The following ZSWIM4 variants were observed in gnomAD, a reference collection of about 807,000 sequenced individuals.
ZSWIM4 encodes the protein zinc finger SWIM domain-containing protein 4.
Under a neutral mutation model 102.5 loss-of-function variants are expected in ZSWIM4, and 62 were observed. That is an observed-to-expected ratio of 0.60 (90% confidence interval 0.49 to 0.75). The LOEUF (loss-of-function observed/expected upper bound fraction) is 0.75. Ranked by LOEUF, ZSWIM4 falls within the 30% of genes least tolerant of loss-of-function variation. The pLI is 0.00. For missense variants in ZSWIM4, 1,280 were observed against 1,529.6 expected (o/e 0.84, Z 2.72); for synonymous variants, 652 against 674.5 (o/e 0.97, Z 0.52).
In ZSWIM4 at chr19:13,830,675, C is replaced by G. The variant is rs770387382; in HGVS notation, c.2946C>G (p.Ile982Met). 2 of 1,604,492 alleles carry G rather than the reference C, an allele frequency of 1.2e-6. No homozygotes were observed. Among genetic ancestry groups the G allele is most frequent in the Non-Finnish European group, 1.7e-6 (2 of 1,179,438 alleles). Residue 982 changes from isoleucine (I) to methionine (M), a missense_variant, in exon 14 of 14, where the codon ATC becomes ATG. By Grantham distance (10) the Ile-to-Met change is conservative. Coordinates refer to ENST00000590508, the MANE Select transcript of ZSWIM4 (RefSeq NM_001367834.3). ...TGGGCCGGCACGAGCTCTCTGCCAT[C>G]GTCCCCCTCATCATTCGCAGCATCC... ...HSLGRHELSA[I>M]VPLIIRSIHC...
intron 12 of ZSWIM4, among the ~76,000 whole-genome samples, chr19:13,827,825 G>A (rs1027662082): frequency 5.9e-5 from 9 of 152,096 alleles, no homozygotes; most frequent in South Asian, 4.1e-4. Context: ...AGGCAAACAC[G>A]TGAGCTGCTG....
chr19:13,830,093 G>A, intron 13 of ZSWIM4, 98 bp from the exon 14 acceptor site: 1 of 1,438,996 alleles, frequency 6.9e-7, no homozygotes, highest in Non-Finnish European at 9.4e-7. Context: ...TGGTGTGGAG[G>A]TGGAAGTGGA....
At position 13,805,158 on chromosome 19, in the gene ZSWIM4, C is replaced by T. The variant is rs752262497; in HGVS notation, c.712+10C>T. The T allele has an allele frequency of 6.9e-6, 11 of 1,589,256 alleles. No individual in the cohort carries two copies. The highest frequency in any genetic ancestry group is 9.4e-6 in the Non-Finnish European group (11 of 1,171,972). On this transcript the variant is annotated intron_variant, in intron 3 of 13. Coordinates refer to ENST00000590508, the MANE Select transcript of ZSWIM4 (RefSeq NM_001367834.3). ...ATCAACTTGGTGAATGGTAAGGGCA[C>T]CCCGGGGGTCCGGTGGGGAGAGGAT...
At position 13,817,828 on chromosome 19, in the gene ZSWIM4, G is replaced by A. The variant is rs1375113649; in HGVS notation, c.1776G>A (p.Leu592=). ...VLALEVALLG[L]GQQRALPEGL... is the part of the protein sequence containing the mutation. ...CGCTGGAGGTGGCACTGCTGGGGCT[G>A]GGGCAGCAGCGGGCCCTGCCGGAGG... The change falls in exon 9 of 14, where the codon CTG becomes CTA. Residue 592 remains leucine (L), a synonymous_variant. Coordinates refer to ENST00000590508, the MANE Select transcript of ZSWIM4 (RefSeq NM_001367834.3). 1 of 1,574,130 alleles carries A rather than the reference G, an allele frequency of 6.4e-7. No homozygotes were observed. Among genetic ancestry groups the A allele is most frequent in the Non-Finnish European group, 8.6e-7 (1 of 1,160,482 alleles).
chr19:13,815,774 GA>G (rs1418831515), intron 7 of ZSWIM4, among the ~76,000 whole-genome samples: 1 of 151,574 alleles, frequency 6.6e-6, no homozygotes, highest in Non-Finnish European at 1.5e-5. Context: ...CTGGCCTACT[GA>G]AAATATTTTT....
At position 13,825,668 on chromosome 19, in the gene ZSWIM4, A is replaced by C. The variant is rs757317271; in HGVS notation, c.2334A>C (p.Pro778=). The part of the protein sequence containing the change: ...ACKTATPVSA[P]PDTTLLGIAL... ...AGACAGCCACCCCGGTCAGCGCCCC[A>C]CCAGACACCACGCTGCTGGGCATCG... Residue 778 remains proline, a synonymous_variant, in exon 12 of 14, where the codon CCA becomes CCC. Transcript: ENST00000590508. The surrounding 1 kb of genome is among the most constrained non-coding windows in gnomAD (Gnocchi z 4.6). The C allele has an allele frequency of 1.2e-6, 2 of 1,612,880 alleles. No homozygotes were observed. The highest frequency in any genetic ancestry group is 2.7e-5 in the African/African-American group (2 of 74,940).
Position 13,831,005 on chromosome 19 carries a change from G to C in ZSWIM4, c.3276G>C (p.Lys1092Asn). 1.1e-5 allele frequency: 18 copies of C among 1,608,274 alleles called. No homozygotes were observed. Among genetic ancestry groups the C allele is most frequent in the Non-Finnish European group, 1.5e-5 (18 of 1,177,734 alleles). The change falls in exon 14 of 14, where the codon AAG (lysine) becomes AAC (asparagine). Residue 1092 changes from lysine to asparagine, a missense_variant. Physicochemically the swap from Lys to Asn is moderately conservative, Grantham distance 94. Coordinates refer to ENST00000590508, the MANE Select transcript of ZSWIM4 (RefSeq NM_001367834.3). ...TGGAGAACCTCAAACAGACCTACAA[G>C]GGCAAGAAGAAACTCATGCTTTTGG... ...QFLENLKQTY[K>N]GKKKLMLLVR... is the part of the protein sequence containing the mutation.
chr19:13,806,049 A>AT (rs1365223741), intron 3 of ZSWIM4, among the ~76,000 whole-genome samples: 3,117 of 141,632 alleles, frequency 0.022, 114 homozygotes, highest in African/African-American at 0.076. Flanking sequence ...GGTGGGGGAT[A>AT]TTTTTTTTTT....
intron 9 of ZSWIM4, among the ~76,000 whole-genome samples, chr19:13,818,426 A>G (rs1975363839): frequency 6.6e-6 from 1 of 152,104 alleles, no homozygotes; most frequent in Non-Finnish European, 1.5e-5. Flanking sequence ...CCCCTACGCT[A>G]TCGGACTTGC....
At position 13,809,780 on chromosome 19, in the gene ZSWIM4, T is replaced by A; in HGVS notation, c.1012+560T>A. ...CATGCATGAGCCACCACACCCAGCC[T>A]ACATGTTTTGTTTCTTTTTTTCTTT... On this transcript the variant is annotated intron_variant, in intron 5 of 13. Coordinates refer to ENST00000590508, the MANE Select transcript of ZSWIM4 (RefSeq NM_001367834.3). The surrounding 1 kb of genome is among the most constrained non-coding windows in gnomAD (Gnocchi z 4.2). Among the ~76,000 whole-genome samples the A allele has an allele frequency of 6.6e-6, 1 of 151,670 alleles. No individual in the cohort carries two copies. The highest frequency in any genetic ancestry group is 2.4e-5 in the African/African-American group (1 of 41,174).
intron 1 of ZSWIM4, among the ~76,000 whole-genome samples, chr19:13,796,365 C>A (rs2145238347): frequency 6.6e-6 from 1 of 152,260 alleles, no homozygotes; most frequent in African/African-American, 2.4e-5. Context: ...CATTCCTGCT[C>A]TCCAGATCCC....
chr19:13,806,102 G>T (rs754796524), intron 3 of ZSWIM4, among the ~76,000 whole-genome samples: 2 of 150,086 alleles, frequency 1.3e-5, no homozygotes, highest in Non-Finnish European at 3.0e-5. Flanking sequence ...GAGTGCAGTG[G>T]TGCAATCTCA....
Position 13,830,973 on chromosome 19 carries a change from C to T in ZSWIM4, c.3244C>T (p.Gln1082Ter). Residue 1082 changes from glutamine (Q) to a stop codon, truncating the protein, a stop_gained, in exon 14 of 14, where the codon CAG (glutamine) becomes TAG (stop). Transcript: ENST00000590508. LOFTEE classifies it high-confidence loss of function. ...LAPDGHLQFS[Q>*]FLENLKQTYK... The stretch of plus-strand genomic sequence containing the variant: ...GCCCGACGGGCACCTCCAGTTCTCA[C>T]AGTTCTTGGAGAACCTCAAACAGAC... The T allele has an allele frequency of 6.2e-7, 1 of 1,613,906 alleles. No individual in the cohort carries two copies. Among genetic ancestry groups the T allele is most frequent in the Non-Finnish European group, 8.5e-7 (1 of 1,179,954 alleles).
chr19:13,809,298 T>C lies in ZSWIM4; in HGVS notation c.1012+78T>C. On this transcript the variant is annotated intron_variant, in intron 5 of 13. Coordinates refer to ENST00000590508, the MANE Select transcript of ZSWIM4 (RefSeq NM_001367834.3). The surrounding 1 kb of genome is among the most constrained non-coding windows in gnomAD (Gnocchi z 4.2). ...GGGCTGGCCCACTCCAAGATTAGGG[T>C]CTGTTCCCTGAATCCGCCCTCCATT... 2 of 1,497,220 alleles carry C rather than the reference T, an allele frequency of 1.3e-6. No homozygotes were observed. Among genetic ancestry groups the C allele is most frequent in the Non-Finnish European group, 1.8e-6 (2 of 1,128,062 alleles). 92.7% of individuals were successfully genotyped at this position (1,497,220 alleles called of 1,614,324 possible).
At chr19:13,815,977 G>T (rs1277582902) in intron 7 of ZSWIM4, among the ~76,000 whole-genome samples, 1 of 146,320 alleles carries the variant, frequency 6.8e-6, no homozygotes, top group Non-Finnish European at 1.5e-5. Flanking sequence ...AGAGAGAGGA[G>T]AGCGAGGAGA....
At position 13,804,892 on chromosome 19, in the gene ZSWIM4, C is replaced by A; in HGVS notation, c.456C>A (p.Ser152=). 6.2e-7 allele frequency: 1 copy of A among 1,613,646 alleles called. No individual in the cohort carries two copies. The highest frequency in any genetic ancestry group is 1.1e-5 in the South Asian group (1 of 91,084). The change falls in exon 3 of 14, where the codon TCC becomes TCA. Residue 152 remains serine (S), a synonymous_variant. Coordinates refer to ENST00000590508, the MANE Select transcript of ZSWIM4 (RefSeq NM_001367834.3). The part of the protein sequence containing the change: ...SISFDRCKIT[S]VSCGCDNRDL... ...GCTTTGATCGCTGCAAGATCACGTCCGTGAGCTGCGGCTGTGACAACCGCG... is the reference window on the plus strand; with the variant it reads ...GCTTTGATCGCTGCAAGATCACGTCAGTGAGCTGCGGCTGTGACAACCGCG...
Position 13,804,882 on chromosome 19 carries a change from A to G in ZSWIM4, c.446A>G (p.Lys149Arg). The G allele has an allele frequency of 6.2e-7, 1 of 1,613,578 alleles. No individual in the cohort carries two copies. Among genetic ancestry groups the G allele is most frequent in the Non-Finnish European group, 8.5e-7 (1 of 1,180,008 alleles). Residue 149 changes from lysine (K) to arginine (R), a missense_variant, in exon 3 of 14, where the codon AAG becomes AGG. By Grantham distance (26) the Lys-to-Arg change is conservative. Transcript: ENST00000590508. ...GTCTCCATCAGCTTTGATCGCTGCA[A>G]GATCACGTCCGTGAGCTGCGGCTGT... ...YHVSISFDRC[K>R]ITSVSCGCDN...
rs575701188 is a variant in ZSWIM4 at position 13,809,043 on chromosome 19, T to C, written c.862-27T>C. The C allele has an allele frequency of 6.2e-7, 1 of 1,607,614 alleles. No individual in the cohort carries two copies. Among genetic ancestry groups the C allele is most frequent in the African/African-American group, 1.3e-5 (1 of 74,866 alleles). On this transcript the variant is annotated intron_variant, in intron 4 of 13. Transcript: ENST00000590508. The surrounding 1 kb of genome is among the most constrained non-coding windows in gnomAD (Gnocchi z 4.2). Reference sequence around the variant, plus strand: ...AAGGCCCCGGCGGACGCCCCAGCCCTTCCTCACCACCCTGTCCCCGGCACA... The same window carrying C: ...AAGGCCCCGGCGGACGCCCCAGCCCCTCCTCACCACCCTGTCCCCGGCACA...
intron 2 of ZSWIM4, among the ~76,000 whole-genome samples, chr19:13,802,849 G>C (rs959438427): frequency 6.6e-6 from 1 of 152,190 alleles, no homozygotes; most frequent in African/African-American, 2.4e-5. Flanking sequence ...AAAGCACTGG[G>C]ATTACAGGCG....
Sources: gnomAD v4.1 joint callset for allele counts (sites outside exome capture counted in the v4.1 genomes callset) on GRCh38, gnomAD v4.1.1 for gene constraint, Gnocchi (gnomAD v3.1) non-coding constraint, MANE v1.5 for transcripts, NCBI Gene and HGNC (gene_info 2026-07-23, HGNC 2026-07-21) for gene names.